The following ACSBG2 variants were observed in gnomAD, a reference collection of about 807,000 sequenced individuals.
ACSBG2 encodes the protein acyl-CoA synthetase bubblegum family member 2, also known as long-chain-fatty-acid--CoA ligase ACSBG2.
In ACSBG2, 62 loss-of-function variants were observed where a neutral mutation model predicts 74.7. That is an observed-to-expected ratio of 0.83 (90% CI 0.68 to 1.03). The LOEUF is 1.03. Among genes scored for constraint, ACSBG2 ranks in the 50% least tolerant of loss-of-function variants. The pLI is 0.00. For synonymous variants in ACSBG2, 309 were observed against 294.1 expected (o/e 1.05, Z -0.52); for missense variants, 730 against 817.6 (o/e 0.89, Z 1.31).
At chr19:6,184,716 T>C (rs2090349081) in intron 10 of ACSBG2, among the ~76,000 whole-genome samples, 1 of 151,536 alleles carries the variant, frequency 6.6e-6, no homozygotes. Context: ...GTTGCCGTAC[T>C]TAAAATTAGC....
chr19:6,165,898 C>T lies in ACSBG2; in HGVS notation c.621C>T (p.Ile207=), dbSNP rs768322863. The change falls in exon 7 of 15, where the codon ATC becomes ATT. Residue 207 remains isoleucine, a synonymous_variant. Transcript: ENST00000588485. ...WDDFMELGRS[I]PDTQLEQVIE... ...ATTTCATGGAACTTGGCAGAAGTAT[C>T]CCTGACACCCAACTGGAGCAGGTCA... 1.2e-5 allele frequency: 19 copies of T among 1,614,174 alleles called. No homozygotes were observed. In the East Asian group the frequency reaches 4.0e-4, roughly 34 times the overall value.
chr19:6,171,633 A>G (rs1310037880), intron 7 of ACSBG2, among the ~76,000 whole-genome samples: 1 of 151,726 alleles, frequency 6.6e-6, no homozygotes, highest in Non-Finnish European at 1.5e-5. Flanking sequence ...TTTTCTCTAG[A>G]TGCCTTTAAG....
chr19:6,146,812 T>C (rs2089051945), intron 2 of ACSBG2, among the ~76,000 whole-genome samples: 1 of 137,002 alleles, frequency 7.3e-6, no homozygotes, highest in South Asian at 2.4e-4. Context: ...AAAAATAAGA[T>C]GGGGCCAGGT....
intron 1 of ACSBG2, among the ~76,000 whole-genome samples, chr19:6,137,646 T>G (rs1032229524): frequency 2.0e-4 from 30 of 152,002 alleles, no homozygotes; most frequent in African/African-American, 6.5e-4. Context: ...ATTTATGTAT[T>G]TATTTATTTA....
At chr19:6,155,454 T>C (rs80218337) in intron 4 of ACSBG2, among the ~76,000 whole-genome samples, 17,996 of 152,044 alleles carry the variant, frequency 0.12, 2,094 homozygotes, top group African/African-American at 0.31. Flanking sequence ...CAAATAGGAC[T>C]TTATTAGCAT....
chr19:6,138,323 G>A (rs573653953), intron 1 of ACSBG2, among the ~76,000 whole-genome samples: 11 of 152,076 alleles, frequency 7.2e-5, no homozygotes, highest in South Asian at 2.1e-4. Context: ...CCCACAATGC[G>A]CCTGGGTGAT....
In ACSBG2 at chr19:6,192,777, C is replaced by T. The variant is rs1165097553; in HGVS notation, c.*145C>T. On this transcript the variant is annotated 3_prime_UTR_variant, in exon 15 of 15. Transcript: ENST00000588485. ...CTCATTGGTCAGTTTCTTGATTGTTCGTCTGTTGGAGAGGTGCTCCCTAGA... is the reference window on the plus strand; with the variant it reads ...CTCATTGGTCAGTTTCTTGATTGTTTGTCTGTTGGAGAGGTGCTCCCTAGA... The T allele has an allele frequency of 1.3e-5, 2 of 152,114 alleles. No homozygotes were observed. Among genetic ancestry groups the T allele is most frequent in the Admixed American group, 6.6e-5 (1 of 15,264 alleles). The allele number at this position is 152,114 out of a possible 1,614,324, so 9.4% of individuals were successfully genotyped here.
intron 10 of ACSBG2, among the ~76,000 whole-genome samples, chr19:6,184,845 A>C (rs1218754802): frequency 3.7e-4 from 43 of 117,396 alleles, no homozygotes; most frequent in South Asian, 4.9e-4. Flanking sequence ...AAAAAAAAAA[A>C]AAAAAAAAAA....
In ACSBG2 at chr19:6,162,522, G is replaced by A. The variant is rs552976579; in HGVS notation, c.588+1227G>A. 1.9e-3 allele frequency among the ~76,000 whole-genome samples: 238 copies of A among 124,360 alleles called. 2 individuals carry two copies. The highest frequency in any genetic ancestry group is 6.4e-3 in the African/African-American group (212 of 33,270). The allele number at this position is 124,360 out of a possible 152,430, so 81.6% of individuals were successfully genotyped here. On this transcript the variant is annotated intron_variant, in intron 6 of 14. Transcript: ENST00000588485. The stretch of plus-strand genomic sequence containing the variant: ...GCGGAGCTTGCAGTGAGCTGAGATC[G>A]CGCCACTGCACTCCAGCCTGGGCAA...
Position 6,183,072 on chromosome 19 carries a change from TA to T in ACSBG2, c.1124del (p.Lys375ArgfsTer36), listed in dbSNP as rs769638958. ...ATACTCCCGTGAGCTACCGCATGGC[TA>T]AGACTCTCGTGTTCAGCAAAGTCAA... Reference protein sequence around the residue: ...YNTPVSYRMAKTLVFSKVKTS... With the variant: ...YNTPVSYRMAXTLVFSKVKTS... On this transcript the variant is annotated frameshift_variant, in exon 10 of 15. Coordinates refer to ENST00000588485, the MANE Select transcript of ACSBG2 (RefSeq NM_030924.5). LOFTEE classifies it high-confidence loss of function. 6.2e-7 allele frequency: 1 copy of T among 1,614,206 alleles called. No individual in the cohort carries two copies. Among genetic ancestry groups the T allele is most frequent in the Admixed American group, 1.7e-5 (1 of 60,022 alleles).
At chr19:6,163,126 ATAATAAT>A (rs1238901526) in intron 6 of ACSBG2, among the ~76,000 whole-genome samples, 1 of 114,156 alleles carries the variant, frequency 8.8e-6, no homozygotes, top group African/African-American at 4.0e-5. Flanking sequence ...AATACAAATA[ATAATAAT>A]AATAATAATA....
chr19:6,182,984 C>T (rs1483020107), intron 9 of ACSBG2, 52 bp downstream of exon 9: 1 of 1,612,674 alleles, frequency 6.2e-7, no homozygotes, highest in Middle Eastern at 1.7e-4. Flanking sequence ...GAGGCTCAGC[C>T]TTCTCCAGTG....
chr19:6,176,033 C>A, intron 7 of ACSBG2: 1 of 251,784 alleles, frequency 4.0e-6, no homozygotes, highest in Non-Finnish European at 7.6e-6. Flanking sequence ...TGTCGTTGGA[C>A]CCAAGGAAGT....
At chr19:6,184,919 T>G (rs1285604737) in intron 10 of ACSBG2, among the ~76,000 whole-genome samples, 1 of 144,770 alleles carries the variant, frequency 6.9e-6, no homozygotes, top group African/African-American at 2.7e-5. Flanking sequence ...ATTTTTTGTT[T>G]TTGTTTTTGT....
rs182647174 is a variant in ACSBG2, at chr19:6,161,325, G to T, written c.588+30G>T. 335 of 1,598,252 alleles carry T rather than the reference G, an allele frequency of 2.1e-4. 2 individuals carry two copies. In the East Asian group the frequency reaches 7.2e-3, roughly 34 times the overall value. ...GTGTGGGAGGTGGGCACTGGGGAAA[G>T]GGGAGGGCGGGGCCTTGCAAGAAAA... On this transcript the variant is annotated intron_variant, in intron 6 of 14. Transcript: ENST00000588485.
chr19:6,183,236 A>G lies in ACSBG2; in HGVS notation c.1286A>G (p.His429Arg). The G allele has an allele frequency of 1.2e-6, 2 of 1,614,192 alleles. No homozygotes were observed. Among genetic ancestry groups the G allele is most frequent in the South Asian group, 1.1e-5 (1 of 91,088 alleles). Residue 429 changes from histidine to arginine, a missense_variant, in exon 10 of 15, where the codon CAC becomes CGC. By Grantham distance (29) the His-to-Arg change is conservative. Transcript: ENST00000588485. ...GGGTTGAGTGAGAGCTCGGGACCCCACACGATATCCAACCAGAATAACTAC... is the reference window on the plus strand; with the variant it reads ...GGGTTGAGTGAGAGCTCGGGACCCCGCACGATATCCAACCAGAATAACTAC... ...LYGLSESSGP[H>R]TISNQNNYRL... is the part of the protein sequence containing the mutation.
chr19:6,143,185 C>T (rs2088907978), intron 2 of ACSBG2, among the ~76,000 whole-genome samples: 1 of 152,030 alleles, frequency 6.6e-6, no homozygotes, highest in Admixed American at 6.6e-5. Context: ...GCTGGCATTA[C>T]AGTCATGCAC....
chr19:6,166,665 C>T (rs754110014), intron 7 of ACSBG2, among the ~76,000 whole-genome samples: 1 of 151,250 alleles, frequency 6.6e-6, no homozygotes, highest in African/African-American at 2.4e-5. Context: ...TTTTTGAGAC[C>T]GAGTCTGGCT....
intron 10 of ACSBG2, among the ~76,000 whole-genome samples, 166 bp from the exon 11 acceptor site, chr19:6,185,270 C>T (rs903442856): frequency 7.2e-5 from 11 of 152,046 alleles, no homozygotes; most frequent in South Asian, 2.1e-4. Flanking sequence ...GAATCTGACA[C>T]GCTGGATTAA....
Sources: allele counts gnomAD v4.1 joint callset (sites outside exome capture counted in the v4.1 genomes callset), GRCh38; gene constraint gnomAD v4.1.1; transcripts MANE v1.5; gene names NCBI Gene and HGNC (gene_info 2026-07-23, HGNC 2026-07-21).